Variants in IFT52 observed in about 807,000 individuals in gnomAD.
IFT52 encodes intraflagellar transport protein 52 homolog.
A neutral mutation model predicts 54.4 loss-of-function variants in IFT52; 44 were observed. The observed-to-expected ratio is 0.81, with a 90% CI of 0.63 to 1.04. The LOEUF (loss-of-function observed/expected upper bound fraction) is 1.04. Ranked by LOEUF, IFT52 falls within the 50% of genes least tolerant of loss-of-function variation. The pLI is 0.00. For synonymous variants in IFT52, 181 were observed against 185.3 expected (o/e 0.98, Z 0.19); for missense variants, 452 against 523.6 (o/e 0.86, Z 1.33).
At chr20:43,607,037 C>A (rs1982954293) in intron 6 of IFT52, among the ~76,000 whole-genome samples, 1 of 152,232 alleles carries the variant, frequency 6.6e-6, no homozygotes, top group Non-Finnish European at 1.5e-5. Context: ...CCCACCTTTC[C>A]CCTCTTTCTA....
At chr20:43,646,028 G>A (rs551673883) in intron 13 of IFT52, among the ~76,000 whole-genome samples, 98 of 151,560 alleles carry the variant, frequency 6.5e-4, no homozygotes, top group African/African-American at 2.3e-3. Flanking sequence ...GCTAACATGT[G>A]AAACCCCGTC....
At chr20:43,618,031 G>C (rs1983990405) in intron 7 of IFT52, among the ~76,000 whole-genome samples, 1 of 152,038 alleles carries the variant, frequency 6.6e-6, no homozygotes, top group Non-Finnish European at 1.5e-5. Flanking sequence ...TTACAGGCGT[G>C]AGCCACTGCA....
rs1336632328 is a variant in IFT52, at chr20:43,613,852, C to A, written c.488C>A (p.Ala163Asp). Reference protein sequence around the residue: ...DEESSGNNAQALTFVYPFGAT... With the variant: ...DEESSGNNAQDLTFVYPFGAT... Reference sequence around the variant, plus strand: ...TGTGTTTCTTTAATTTCTTACAGGGCTCTCACCTTTGTGTATCCTTTTGGT... The same window carrying A: ...TGTGTTTCTTTAATTTCTTACAGGGATCTCACCTTTGTGTATCCTTTTGGT... The change falls in exon 7 of 14, where the codon GCT becomes GAT. Residue 163 changes from alanine (A) to aspartate (D), a missense_variant and splice_region_variant. By Grantham distance (126) the Ala-to-Asp change is moderately radical. Coordinates refer to ENST00000373030, the MANE Select transcript of IFT52 (RefSeq NM_016004.5). 6.2e-7 allele frequency: 1 copy of A among 1,613,294 alleles called. No individual in the cohort carries two copies. The highest frequency in any genetic ancestry group is 1.3e-5 in the African/African-American group (1 of 74,894).
chr20:43,624,223 A>AAGGG lies in IFT52; in HGVS notation c.923+179_923+180insGGGA. The AAGGG allele has an allele frequency of 5.8e-6, 4 of 685,780 alleles. No homozygotes were observed. The South Asian group carries it at 7.4e-5, about 13-fold the overall frequency. The allele number at this position is 685,780 out of a possible 1,614,324, so 42.5% of individuals were successfully genotyped here. ...TGGGCATGAGGGGTTGATGTAGAGG[A>AAGGG]ACTGCCAGAGGTTATTAGCCCCTGC... On this transcript the variant is annotated intron_variant, in intron 10 of 13. Transcript: ENST00000373030.
At chr20:43,616,998 G>T (rs546864811) in intron 7 of IFT52, among the ~76,000 whole-genome samples, 2 of 152,134 alleles carry the variant, frequency 1.3e-5, no homozygotes, top group Admixed American at 1.3e-4. Flanking sequence ...GGGAGACAGA[G>T]TGAGACCCTA....
At chr20:43,596,860 A>G (rs566367330) in intron 3 of IFT52, among the ~76,000 whole-genome samples, 2 of 148,246 alleles carry the variant, frequency 1.3e-5, no homozygotes, top group East Asian at 2.0e-4. Context: ...TCACTGCCTC[A>G]GCCTCCTGAG....
chr20:43,641,197 ATTGT>A (rs1356400617), intron 12 of IFT52, among the ~76,000 whole-genome samples: 30 of 151,680 alleles, frequency 2.0e-4, no homozygotes, highest in African/African-American at 6.0e-4. Context: ...TTTCTATAAT[ATTGT>A]TTGTTTTTTG....
intron 10 of IFT52, among the ~76,000 whole-genome samples, chr20:43,627,168 GA>G (rs955747034): frequency 1.0e-3 from 142 of 141,204 alleles, no homozygotes; most frequent in African/African-American, 2.9e-3. Context: ...CTCCATCTCA[GA>G]AAAAAAAAAA....
intron 12 of IFT52, among the ~76,000 whole-genome samples, chr20:43,641,786 G>A (rs753619411): frequency 2.0e-5 from 3 of 151,880 alleles, no homozygotes; most frequent in Non-Finnish European, 2.9e-5. Context: ...GAGCCTTCAC[G>A]CTCGGCTGTT....
At position 43,646,967 on chromosome 20, in the gene IFT52, T is replaced by G. The variant is rs765183832; in HGVS notation, c.1298T>G (p.Phe433Cys). 2.3e-5 allele frequency: 37 copies of G among 1,613,840 alleles called. 1 individual carries two copies. In the South Asian group the frequency reaches 2.9e-4, roughly 12 times the overall value. ...EHDIDTSETA[F>C]QNNF ...GACATCGATACAAGTGAAACAGCAT[T>G]CCAGAACAATTTCTGAAGACCATGC... Residue 433 changes from phenylalanine (F) to cysteine (C), a missense_variant, in exon 14 of 14, where the codon TTC becomes TGC. Phe to Cys is a radical substitution (Grantham distance 205). Coordinates refer to ENST00000373030, the MANE Select transcript of IFT52 (RefSeq NM_016004.5).
At chr20:43,612,182 C>T (rs977022642) in intron 6 of IFT52, among the ~76,000 whole-genome samples, 1 of 152,084 alleles carries the variant, frequency 6.6e-6, no homozygotes, top group African/African-American at 2.4e-5. Flanking sequence ...ATGACTATTT[C>T]TCCCACCTAC....
Position 43,615,835 on chromosome 20 carries a change from A to C in IFT52, c.612+1859A>C, listed in dbSNP as rs980546586. Among the ~76,000 whole-genome samples the C allele has an allele frequency of 2.0e-5, 3 of 152,090 alleles. 1 individual carries two copies. Among genetic ancestry groups the C allele is most frequent in the Admixed American group, 2.0e-4 (3 of 15,262 alleles). On this transcript the variant is annotated intron_variant, in intron 7 of 13. Coordinates refer to ENST00000373030, the MANE Select transcript of IFT52 (RefSeq NM_016004.5). ...CACGCGCCTGTAATCCCAGCTACTC[A>C]GGAAGCTGAGGCACGAGAATCGCTT...
chr20:43,595,235 T>C (rs1981844083), intron 2 of IFT52, among the ~76,000 whole-genome samples: 1 of 149,918 alleles, frequency 6.7e-6, no homozygotes, highest in South Asian at 2.1e-4. Flanking sequence ...GAGAATTGCT[T>C]GAACCCGGGA....
At position 43,647,058 on chromosome 20, in the gene IFT52, C is replaced by T. The variant is rs1416270892; in HGVS notation, c.*75C>T. On this transcript the variant is annotated 3_prime_UTR_variant, in exon 14 of 14. Transcript: ENST00000373030. ...ACTATTTTCAAATTGTTTTTCAACT[C>T]CTTATCAAAATTGTTTATACACTCT... 1.1e-5 allele frequency: 15 copies of T among 1,325,472 alleles called. No homozygotes were observed. Among genetic ancestry groups the T allele is most frequent in the Non-Finnish European group, 1.4e-5 (13 of 918,910 alleles). The allele number at this position is 1,325,472 out of a possible 1,614,324, so 82.1% of individuals were successfully genotyped here.
At chr20:43,629,885 G>A (rs1021257137) in intron 10 of IFT52, among the ~76,000 whole-genome samples, 1 of 152,188 alleles carries the variant, frequency 6.6e-6, no homozygotes, top group Non-Finnish European at 1.5e-5. Flanking sequence ...GGACGCTGAG[G>A]CACAGAGAAA....
chr20:43,627,904 T>G (rs558828509), intron 10 of IFT52, among the ~76,000 whole-genome samples: 348 of 74,984 alleles, frequency 4.6e-3, no homozygotes, highest in African/African-American at 0.016. Flanking sequence ...CATATATATA[T>G]AGAGAGAGAG....
At chr20:43,626,077 A>G (rs79889860) in intron 10 of IFT52, among the ~76,000 whole-genome samples, 9,668 of 150,054 alleles carry the variant, frequency 0.064, 426 homozygotes, top group Non-Finnish European at 0.1. Flanking sequence ...GACTGCGAGT[A>G]GATTTTGCAG....
At chr20:43,610,102 C>T (rs1266600152) in intron 6 of IFT52, among the ~76,000 whole-genome samples, 2 of 151,030 alleles carry the variant, frequency 1.3e-5, no homozygotes, top group East Asian at 3.9e-4. Context: ...GAGTTCAGGA[C>T]CAGCCTGGCC....
chr20:43,605,037 G>T lies in IFT52; in HGVS notation c.449G>T (p.Gly150Val), dbSNP rs1982747603. The change falls in exon 6 of 14, where the codon GGG becomes GTG. Residue 150 changes from glycine (G) to valine (V), a missense_variant. Gly to Val is a moderately radical substitution (Grantham distance 109). Coordinates refer to ENST00000373030, the MANE Select transcript of IFT52 (RefSeq NM_016004.5). The part of the protein sequence containing the change: ...ISRAAGKAVP[G>V]IIDEESSGNN... ...CGAGCTGCAGGAAAGGCTGTGCCTG[G>T]GATCATTGATGAGGAAAGCAGTGGA... The T allele has an allele frequency of 6.2e-7, 1 of 1,613,488 alleles. No homozygotes were observed. Among genetic ancestry groups the T allele is most frequent in the African/African-American group, 1.3e-5 (1 of 74,846 alleles).
Sources: gnomAD v4.1 joint callset for allele counts (sites outside exome capture counted in the v4.1 genomes callset) on GRCh38, gnomAD v4.1.1 for gene constraint, MANE v1.5 for transcripts, NCBI Gene and HGNC (gene_info 2026-07-23, HGNC 2026-07-21) for gene names.